The following RAP1GAP variants were observed in gnomAD, a reference collection of about 807,000 sequenced individuals.
The protein encoded by RAP1GAP is rap1 GTPase-activating protein 1.
RAP1GAP carries 35 observed loss-of-function variants against 87.2 expected under a neutral mutation model. That is an observed-to-expected ratio of 0.40 (90% CI 0.31 to 0.53). The LOEUF is 0.53. RAP1GAP is among the 20% of genes least tolerant of loss of function. RAP1GAP has a pLI of 0.48. For synonymous variants in RAP1GAP, 375 were observed against 363.9 expected (o/e 1.03, Z -0.35); for missense variants, 734 against 898.9 (o/e 0.82, Z 2.35).
intron 1 of RAP1GAP, among the ~76,000 whole-genome samples, chr1:21,653,886 A>G (rs1488469531): frequency 6.6e-6 from 1 of 152,108 alleles, no homozygotes; most frequent in Admixed American, 6.5e-5. Context: ...CTGCATGCCC[A>G]GTTGGCAGAG....
chr1:21,603,859 G>C lies in RAP1GAP; in HGVS notation c.1429-946C>G, dbSNP rs2071459379. 2 of 1,601,992 alleles carry C rather than the reference G, an allele frequency of 1.2e-6. No individual in the cohort carries two copies. The highest frequency in any genetic ancestry group is 4.5e-5 in the East Asian group (2 of 44,418). On this transcript the variant is annotated intron_variant, in intron 18 of 24. Transcript: ENST00000374765. The surrounding 1 kb of genome is among the most constrained non-coding windows in gnomAD (Gnocchi z 6.0). Reference sequence around the variant, plus strand: ...CCTCTTCCACGGTTCCTATGCCTATGGCACTGCCCCGGCGTCCGAATCTAC... The same window carrying C: ...CCTCTTCCACGGTTCCTATGCCTATCGCACTGCCCCGGCGTCCGAATCTAC...
intron 1 of RAP1GAP, chr1:21,651,829 GC>G: frequency 8.2e-7 from 1 of 1,213,656 alleles, no homozygotes; most frequent in South Asian, 3.0e-5. Flanking sequence ...TCATGGTGCC[GC>G]CGCCGCCGCC....
chr1:21,650,900 C>A (rs2151959117), intron 1 of RAP1GAP, among the ~76,000 whole-genome samples: 1 of 152,158 alleles, frequency 6.6e-6, no homozygotes, highest in African/African-American at 2.4e-5. Flanking sequence ...GGACACAATC[C>A]CCATAGCTCA....
At chr1:21,665,795 C>T (rs2097323946) in intron 1 of RAP1GAP, among the ~76,000 whole-genome samples, 1 of 152,234 alleles carries the variant, frequency 6.6e-6, no homozygotes. Context: ...CCCAAGAAGC[C>T]CTGAGACTGG....
chr1:21,612,898 T>G, intron 10 of RAP1GAP: 3 of 483,818 alleles, frequency 6.2e-6, no homozygotes, highest in South Asian at 5.1e-5. Flanking sequence ...CTCAGGAGGG[T>G]CCCCAAACAT....
In RAP1GAP at chr1:21,634,809, C is replaced by A; in HGVS notation, c.-112-8412G>T. On this transcript the variant is annotated intron_variant, in intron 2 of 24. Transcript: ENST00000374765. The surrounding 1 kb of genome is among the most constrained non-coding windows in gnomAD (Gnocchi z 4.1). ...CTCCCTTGCTCAGGTGGCCTGAGCC[C>A]CACTGTGGCCAAAACCTGACCCTTC... 2.4e-6 allele frequency: 1 copy of A among 425,306 alleles called. No homozygotes were observed. Among genetic ancestry groups the A allele is most frequent in the East Asian group, 7.4e-5 (1 of 13,524 alleles). 26.3% of individuals were successfully genotyped at this position (425,306 alleles called of 1,614,324 possible). A position where few individuals can be genotyped will look rare whatever the true frequency, so the allele number is the denominator to read the frequency against.
rs1234305718 is a variant in RAP1GAP, at chr1:21,603,694, G to T, written c.1429-781C>A. ...GCAGGTGCTGAGTGCCATCGGAGCT[G>T]CCGCCACTCCATCCCGCACGCCCTG... On this transcript the variant is annotated intron_variant, in intron 18 of 24. Transcript: ENST00000374765. This position sits in a 1 kb window ranked among gnomAD's most constrained non-coding sequence, Gnocchi z 6.0. 2.2e-6 allele frequency: 2 copies of T among 916,956 alleles called. No individual in the cohort carries two copies. The highest frequency in any genetic ancestry group is 1.7e-5 in the Admixed American group (1 of 58,658). 56.8% of individuals were successfully genotyped at this position (916,956 alleles called of 1,614,324 possible).
At chr1:21,659,316 G>A (rs1315104626) in intron 1 of RAP1GAP, among the ~76,000 whole-genome samples, 1 of 152,244 alleles carries the variant, frequency 6.6e-6, no homozygotes, top group Non-Finnish European at 1.5e-5. Flanking sequence ...CCGGGCTCCA[G>A]GACCAGGGAC....
intron 3 of RAP1GAP, among the ~76,000 whole-genome samples, chr1:21,621,691 C>T (rs2087757489): frequency 6.6e-6 from 1 of 152,254 alleles, no homozygotes; most frequent in Non-Finnish European, 1.5e-5. Context: ...GCAACTTTGG[C>T]TTCTGTGCCC....
chr1:21,611,903 G>A (rs2078573159), intron 11 of RAP1GAP, 87 bp from the exon 12 acceptor site: 1 of 1,502,596 alleles, frequency 6.7e-7, no homozygotes, highest in Non-Finnish European at 9.2e-7. Flanking sequence ...GAGGGCCGGA[G>A]GGAGGACCTC....
intron 2 of RAP1GAP, among the ~76,000 whole-genome samples, chr1:21,640,195 C>T (rs898792045): frequency 2.0e-5 from 3 of 152,096 alleles, no homozygotes; most frequent in African/African-American, 7.2e-5. Context: ...TGCCTGTTAC[C>T]CCCTTCCCGT....
At chr1:21,624,741 A>C (rs1330910341) in intron 3 of RAP1GAP, among the ~76,000 whole-genome samples, 1 of 152,184 alleles carries the variant, frequency 6.6e-6, no homozygotes, top group African/African-American at 2.4e-5. Flanking sequence ...GCTTCTAGCC[A>C]GACTGGGTGG....
intron 1 of RAP1GAP, among the ~76,000 whole-genome samples, chr1:21,654,997 G>A (rs1287173475): frequency 2.0e-5 from 3 of 151,868 alleles, no homozygotes; most frequent in Non-Finnish European, 4.4e-5. Flanking sequence ...AAAATCAGCC[G>A]GGCATGGTGG....
At chr1:21,636,031 C>A (rs1439956006) in intron 2 of RAP1GAP, among the ~76,000 whole-genome samples, 1 of 152,218 alleles carries the variant, frequency 6.6e-6, no homozygotes, top group Non-Finnish European at 1.5e-5. Flanking sequence ...TTCTCTGAGC[C>A]TCAGTTTCCT....
intron 1 of RAP1GAP, chr1:21,651,573 CACACAG>C: frequency 1.5e-6 from 1 of 688,710 alleles, no homozygotes. Flanking sequence ...AATGGGAACA[CACACAG>C]ACACAGAAAC....
chr1:21,641,754 C>T (rs1400989654), intron 2 of RAP1GAP, among the ~76,000 whole-genome samples: 1 of 152,180 alleles, frequency 6.6e-6, no homozygotes, highest in Non-Finnish European at 1.5e-5. Context: ...CAATGTCACA[C>T]AGCAAACAGC....
chr1:21,611,373 G>T (rs1195605010), intron 13 of RAP1GAP, 79 bp downstream of exon 13: 2 of 1,519,080 alleles, frequency 1.3e-6, no homozygotes, highest in South Asian at 1.2e-5. Context: ...CGCTGAGCCT[G>T]GCGTGATGGA....
At chr1:21,627,368 G>A (rs1421686785) in intron 2 of RAP1GAP, among the ~76,000 whole-genome samples, 1 of 151,204 alleles carries the variant, frequency 6.6e-6, no homozygotes, top group Non-Finnish European at 1.5e-5. Flanking sequence ...AAAAAGTCTG[G>A]CCCAGGAAGA....
At chr1:21,625,325 C>G (rs2091484170) in intron 3 of RAP1GAP, among the ~76,000 whole-genome samples, 1 of 152,350 alleles carries the variant, frequency 6.6e-6, no homozygotes, top group South Asian at 2.1e-4. Context: ...TGATCTCCTG[C>G]ATCCTCAACT....
Sources: allele counts gnomAD v4.1 joint callset (sites outside exome capture counted in the v4.1 genomes callset), GRCh38; gene constraint gnomAD v4.1.1; non-coding constraint Gnocchi (gnomAD v3.1); transcripts MANE v1.5; gene names NCBI Gene and HGNC (gene_info 2026-07-23, HGNC 2026-07-21).